CCDC13: variants seen among roughly 807,000 people sequenced by gnomAD.
CCDC13 encodes the protein coiled-coil domain containing 13, also known as coiled-coil domain-containing protein 13.
CCDC13 carries 70 observed loss-of-function variants against 87.3 expected under a neutral mutation model. The ratio of observed to expected loss-of-function variants is 0.80; its 90% CI spans 0.66 to 0.98. The LOEUF (loss-of-function observed/expected upper bound fraction) is 0.98. CCDC13 is among the 50% of genes least tolerant of loss of function. CCDC13 has a pLI of 0.00. For missense variants in CCDC13, 842 were observed against 892.0 expected, an observed-to-expected ratio of 0.94 and a Z score of 0.71; for synonymous variants, 317 against 360.3, an observed-to-expected ratio of 0.88 and a Z score of 1.36.
At chr3:42,709,868 C>T (rs1433152075) in intron 14 of CCDC13, 70 bp from the exon 15 acceptor site, 64 of 1,164,102 alleles carry the variant, frequency 5.5e-5, no homozygotes, top group African/African-American at 9.1e-5. Flanking sequence ...CTTCTCCTCC[C>T]GCCATTGCCC....
In CCDC13 at chr3:42,730,550, T is replaced by C; in HGVS notation, c.1635A>G (p.Gln545=). Residue 545 remains glutamine, a synonymous_variant, in exon 13 of 16, where the codon CAA becomes CAG. Coordinates refer to ENST00000310232, the MANE Select transcript of CCDC13 (RefSeq NM_144719.4). ...DSPEQKGWQA[Q]VSEIKALWQA... is the part of the protein sequence containing the mutation. The stretch of plus-strand genomic sequence containing the variant: ...GCCAGAGGGCCTTGATCTCTGACAC[T>C]TGTGCCTGCCAGCCTTTTTGTTCTG... The C allele has an allele frequency of 6.2e-7, 1 of 1,614,146 alleles. No individual in the cohort carries two copies. The highest frequency in any genetic ancestry group is 1.1e-5 in the South Asian group (1 of 91,072).
At chr3:42,726,799 T>C (rs1028519500) in intron 13 of CCDC13, among the ~76,000 whole-genome samples, 1 of 152,032 alleles carries the variant, frequency 6.6e-6, no homozygotes, top group Non-Finnish European at 1.5e-5. Context: ...ATTACATATA[T>C]ACATATGTGT....
intron 5 of CCDC13, chr3:42,750,012 G>C (rs1366664468): frequency 2.2e-6 from 1 of 451,324 alleles, no homozygotes; most frequent in East Asian, 7.0e-5. Flanking sequence ...ATGCCAGGGA[G>C]AACACGTGGT....
intron 3 of CCDC13, among the ~76,000 whole-genome samples, chr3:42,753,749 C>T (rs2125906329): frequency 6.6e-6 from 1 of 152,210 alleles, no homozygotes; most frequent in African/African-American, 2.4e-5. Context: ...AGAGTGCTCT[C>T]ACCTAGGAAG....
intron 9 of CCDC13, 124 bp downstream of exon 9, chr3:42,739,510 A>T: frequency 9.2e-7 from 1 of 1,087,586 alleles, no homozygotes; most frequent in Non-Finnish European, 1.3e-6. Context: ...TCTGGAGGCA[A>T]CGGGCTTTGG....
Position 42,749,234 on chromosome 3 carries a change from C to T in CCDC13, c.604-1861G>A, listed in dbSNP as rs566719514. Among the ~76,000 whole-genome samples the T allele has an allele frequency of 2.0e-5, 3 of 152,306 alleles. No individual in the cohort carries two copies. The South Asian group carries it at 6.2e-4, about 32-fold the overall frequency. ...CCCTGCCACGCCCCGCCCTGCCTGT[C>T]AGATCTCTAGCGCCATGAGCCCCAG... On this transcript the variant is annotated intron_variant, in intron 5 of 15. Transcript: ENST00000310232.
In CCDC13 at chr3:42,735,810, G is replaced by A. The variant is rs762335677; in HGVS notation, c.1268C>T (p.Ala423Val). 8.1e-6 allele frequency: 13 copies of A among 1,614,142 alleles called. No individual in the cohort carries two copies. The stretch of plus-strand genomic sequence containing the variant: ...GGCGACTAGGCTGTTGCTCCGCTGA[G>A]CCTCGCTGTTCAGTTGCTGGTCCAG... ...HHLDQQLNSE[A>V]QRSNSLVAQL... Residue 423 changes from alanine (A) to valine (V), a missense_variant, in exon 10 of 16, where the codon GCT (alanine) becomes GTT (valine). Coordinates refer to ENST00000310232, the MANE Select transcript of CCDC13 (RefSeq NM_144719.4).
In CCDC13 at chr3:42,730,689, G is replaced by A. The variant is rs1458234901; in HGVS notation, c.1596-100C>T. The stretch of plus-strand genomic sequence containing the variant: ...GAGGGACTAGAAGGACATTCAGGGC[G>A]AATGTCAGCCAGAGCAAAGGAAGCA... On this transcript the variant is annotated intron_variant, in intron 12 of 15. Coordinates refer to ENST00000310232, the MANE Select transcript of CCDC13 (RefSeq NM_144719.4). 9.5e-6 allele frequency: 14 copies of A among 1,478,044 alleles called. No homozygotes were observed. The African/African-American group carries it at 9.7e-5, about 10-fold the overall frequency. The allele number at this position is 1,478,044 out of a possible 1,614,324, so 91.6% of individuals were successfully genotyped here.
intron 1 of CCDC13, among the ~76,000 whole-genome samples, chr3:42,771,494 C>G (rs760890753): frequency 3.3e-5 from 5 of 152,194 alleles, no homozygotes; most frequent in Admixed American, 6.5e-5. Context: ...ATGACTCACA[C>G]CTGTAATCTC....
At chr3:42,770,964 A>G (rs926256528) in intron 1 of CCDC13, 1 of 152,246 alleles carries the variant, frequency 6.6e-6, no homozygotes, top group African/African-American at 2.4e-5. Context: ...ACTCACCGCG[A>G]GGGTCTGCGG....
intron 3 of CCDC13, 83 bp downstream of exon 3, chr3:42,756,982 AT>A: frequency 7.4e-7 from 1 of 1,358,316 alleles, no homozygotes; most frequent in Non-Finnish European, 1.0e-6. Context: ...TCTCTTGGGA[AT>A]CTGCTCTCTG....
intron 9 of CCDC13, among the ~76,000 whole-genome samples, chr3:42,737,412 C>T (rs1373351269): frequency 2.0e-5 from 3 of 152,190 alleles, no homozygotes; most frequent in Non-Finnish European, 4.4e-5. Context: ...GATTTATAAT[C>T]CTTTGGGTAT....
rs1575329832 is a variant in CCDC13, at chr3:42,758,010, T to G, written c.221+115A>C. ...TGCAGCTATAATTAAGGCTCTAAGC[T>G]TCCTTCTATCACTTTAGCTGCATTT... is the stretch of plus-strand genomic sequence containing the variant. On this transcript the variant is annotated intron_variant, in intron 2 of 15. Coordinates refer to ENST00000310232, the MANE Select transcript of CCDC13 (RefSeq NM_144719.4). 3.4e-5 allele frequency: 28 copies of G among 826,828 alleles called. No individual in the cohort carries two copies. In the East Asian group the frequency reaches 7.3e-4, roughly 22 times the overall value. 51.2% of individuals were successfully genotyped at this position (826,828 alleles called of 1,614,324 possible).
At chr3:42,756,386 C>T (rs543904871) in intron 3 of CCDC13, among the ~76,000 whole-genome samples, 9 of 152,286 alleles carry the variant, frequency 5.9e-5, no homozygotes. Context: ...CCTGCAAAGC[C>T]AAGGTCCTCA....
intron 5 of CCDC13, chr3:42,750,060 T>C (rs1021663932): frequency 2.0e-5 from 8 of 395,688 alleles, no homozygotes; most frequent in Non-Finnish European, 3.6e-5. Context: ...CACACACTCT[T>C]CTCTCAGAAC....
At chr3:42,715,309 CA>C (rs60229512) in intron 13 of CCDC13, among the ~76,000 whole-genome samples, 34,418 of 143,446 alleles carry the variant, frequency 0.24, 4,534 homozygotes, top group East Asian at 0.5. Flanking sequence ...AACTCTGTCT[CA>C]AAAAAAAAAA....
At chr3:42,747,079 G>T in intron 6 of CCDC13, 178 bp downstream of exon 6, 1 of 735,736 alleles carries the variant, frequency 1.4e-6, no homozygotes, top group Non-Finnish European at 2.5e-6. Flanking sequence ...CCACCAAATG[G>T]TTATGGACCA....
chr3:42,744,718 T>C (rs1699340357), intron 7 of CCDC13, among the ~76,000 whole-genome samples: 1 of 136,810 alleles, frequency 7.3e-6, no homozygotes, highest in Non-Finnish European at 1.5e-5. Context: ...GGCAGGAGAA[T>C]GGCGTGAACC....
chr3:42,749,271 G>C (rs558682565), intron 5 of CCDC13, among the ~76,000 whole-genome samples: 1 of 152,354 alleles, frequency 6.6e-6, no homozygotes, highest in South Asian at 2.1e-4. Flanking sequence ...GGCCCTGACA[G>C]TGGGGGTGCT....
Sources: gnomAD v4.1 joint callset for allele counts (sites outside exome capture counted in the v4.1 genomes callset) on GRCh38, gnomAD v4.1.1 for gene constraint, MANE v1.5 for transcripts, NCBI Gene and HGNC (gene_info 2026-07-23, HGNC 2026-07-21) for gene names.